PCDHGA2: variants seen among roughly 807,000 people sequenced by gnomAD.
The protein encoded by PCDHGA2 is protocadherin gamma-A2.
A neutral mutation model predicts 59.2 loss-of-function variants in PCDHGA2; 40 were observed. The ratio of observed to expected loss-of-function variants is 0.68; its 90% confidence interval spans 0.52 to 0.88. The LOEUF (loss-of-function observed/expected upper bound fraction) is 0.88. Among genes scored for constraint, PCDHGA2 ranks in the 40% least tolerant of loss-of-function variants. PCDHGA2 has a pLI of 0.00. For missense variants in PCDHGA2, 1,226 were observed against 1,204.0 expected (o/e 1.02, Z -0.27); for synonymous variants, 560 against 526.0 (o/e 1.06, Z -0.89).
intron 1 of PCDHGA2, chr5:141,389,923 C>T: frequency 6.2e-7 from 1 of 1,614,076 alleles, no homozygotes; most frequent in Non-Finnish European, 8.5e-7. Context: ...CCCGACCCCT[C>T]TGACCTCCAG....
intron 1 of PCDHGA2, chr5:141,417,389 A>C (rs578088616): frequency 2.5e-4 from 39 of 154,566 alleles, no homozygotes; most frequent in Admixed American, 4.5e-4. Flanking sequence ...ATTTTGAAGA[A>C]AAAATATTCA....
chr5:141,430,399 T>G (rs2097282187), intron 1 of PCDHGA2, among the ~76,000 whole-genome samples: 1 of 150,106 alleles, frequency 6.7e-6, no homozygotes, highest in Admixed American at 6.6e-5. Flanking sequence ...AAAAAAAAGC[T>G]CACTAAAGTT....
chr5:141,389,553 G>T, intron 1 of PCDHGA2: 1 of 1,613,234 alleles, frequency 6.2e-7, no homozygotes. Context: ...CAACGACAAT[G>T]CGCCACGGGT....
At chr5:141,360,020 G>A in intron 1 of PCDHGA2, 1 of 1,294,416 alleles carries the variant, frequency 7.7e-7, no homozygotes, top group South Asian at 1.6e-5. Context: ...CACAGAGAAG[G>A]CCAGTATAGA....
chr5:141,478,337 T>C (rs766980546), intron 1 of PCDHGA2: 1 of 1,613,942 alleles, frequency 6.2e-7, no homozygotes, highest in Non-Finnish European at 8.5e-7. Context: ...ACCAGGGCCC[T>C]CCTTGCACGC....
At chr5:141,359,980 T>C in intron 1 of PCDHGA2, 1 of 851,316 alleles carries the variant, frequency 1.2e-6, no homozygotes, top group Non-Finnish European at 1.7e-6. Flanking sequence ...GGGAGCCTCT[T>C]AGAGGGGAAC....
chr5:141,432,250 A>C lies in PCDHGA2; in HGVS notation c.2425-62557A>C, dbSNP rs777728825. ...ATTCCCTGGCTGAGAACACCATCCA[A>C]GGGGCAAGCCTATCGTCCTACGTGT... On this transcript the variant is annotated intron_variant, in intron 1 of 3. Coordinates refer to ENST00000394576, the MANE Select transcript of PCDHGA2 (RefSeq NM_018915.4). This position sits in a 1 kb window ranked among gnomAD's most constrained non-coding sequence, Gnocchi z 6.0. 2 of 1,614,116 alleles carry C rather than the reference A, an allele frequency of 1.2e-6. No homozygotes were observed. The highest frequency in any genetic ancestry group is 1.7e-6 in the Non-Finnish European group (2 of 1,180,062).
chr5:141,443,207 C>T (rs907169095), intron 1 of PCDHGA2, among the ~76,000 whole-genome samples: 5 of 152,064 alleles, frequency 3.3e-5, no homozygotes, highest in African/African-American at 1.2e-4. Context: ...AAGAGCTTGT[C>T]TCGCCAGGCG....
At chr5:141,427,570 C>T (rs1487817661) in intron 1 of PCDHGA2, 1 of 662,270 alleles carries the variant, frequency 1.5e-6, no homozygotes, top group Admixed American at 2.1e-5. Context: ...GGCAAGCCTC[C>T]GCTCTCATCC....
chr5:141,362,454 A>G (rs1762511081), intron 1 of PCDHGA2: 1 of 1,614,056 alleles, frequency 6.2e-7, no homozygotes, highest in Non-Finnish European at 8.5e-7. Flanking sequence ...TAACCCCGGA[A>G]TTGGTTCCCG....
intron 1 of PCDHGA2, chr5:141,357,782 G>A: frequency 1.2e-6 from 1 of 860,438 alleles, no homozygotes; most frequent in Non-Finnish European, 1.7e-6. Context: ...ATGATCAACA[G>A]TATTTACCAC....
At position 141,403,108 on chromosome 5, in the gene PCDHGA2, G is replaced by A. The variant is rs189164879; in HGVS notation, c.2424+61713G>A. The A allele has an allele frequency of 2.7e-5, 43 of 1,614,086 alleles. No homozygotes were observed. In the African/African-American group the frequency reaches 5.1e-4, roughly 19 times the overall value. ...TTGTGGGCAACATCTCCAAGGACCT[G>A]GCTCTGGAGCCCCGGGAGCTGGCGG... On this transcript the variant is annotated intron_variant, in intron 1 of 3. Coordinates refer to ENST00000394576, the MANE Select transcript of PCDHGA2 (RefSeq NM_018915.4).
chr5:141,419,945 T>TTGGCCTTGATTTCTG (rs1205104698), intron 1 of PCDHGA2: 6 of 1,613,970 alleles, frequency 3.7e-6, no homozygotes, highest in Non-Finnish European at 4.2e-6. Flanking sequence ...GGTGGTGGCC[T>TTGGCCTTGATTTCTG]TGGCCTTGAT....
At chr5:141,393,842 T>C (rs1010461527) in intron 1 of PCDHGA2, 5 of 1,613,948 alleles carry the variant, frequency 3.1e-6, no homozygotes, top group Non-Finnish European at 4.2e-6. Context: ...TAAATGACAA[T>C]AGACCAGAAG....
chr5:141,400,591 C>T lies in PCDHGA2; in HGVS notation c.2424+59196C>T, dbSNP rs746471054. ...ATTTTCTGTATTTACATGAAACTATCGTACATTTTCAAGTCCAATGAGTTG... is the reference window on the plus strand; with the variant it reads ...ATTTTCTGTATTTACATGAAACTATTGTACATTTTCAAGTCCAATGAGTTG... On this transcript the variant is annotated intron_variant, in intron 1 of 3. Transcript: ENST00000394576. 2.5e-6 allele frequency: 4 copies of T among 1,602,858 alleles called. No homozygotes were observed. In the African/African-American group the frequency reaches 5.4e-5, roughly 21 times the overall value.
intron 1 of PCDHGA2, chr5:141,403,467 T>G: frequency 6.2e-7 from 1 of 1,614,020 alleles, no homozygotes; most frequent in Non-Finnish European, 8.5e-7. Context: ...AGCTACCAGC[T>G]CAGCCCCAAT....
In PCDHGA2 at chr5:141,489,684, T is replaced by C. The variant is rs2099690710; in HGVS notation, c.2425-5123T>C. 1.2e-6 allele frequency: 2 copies of C among 1,614,062 alleles called. No individual in the cohort carries two copies. The highest frequency in any genetic ancestry group is 8.5e-7 in the Non-Finnish European group (1 of 1,180,034). On this transcript the variant is annotated intron_variant, in intron 1 of 3. Coordinates refer to ENST00000394576, the MANE Select transcript of PCDHGA2 (RefSeq NM_018915.4). This position sits in a 1 kb window ranked among gnomAD's most constrained non-coding sequence, Gnocchi z 4.5. ...TGCGCATCTCAGAATCAGCAGCATCTGGGGCACGATTCCCACTGGACAGTG... is the reference window on the plus strand; with the variant it reads ...TGCGCATCTCAGAATCAGCAGCATCCGGGGCACGATTCCCACTGGACAGTG...
At position 141,363,034 on chromosome 5, in the gene PCDHGA2, A is replaced by T. The variant is rs1762782534; in HGVS notation, c.2424+21639A>T. On this transcript the variant is annotated intron_variant, in intron 1 of 3. Coordinates refer to ENST00000394576, the MANE Select transcript of PCDHGA2 (RefSeq NM_018915.4). ...GCATGGGTAGGACATTGTCCCATTG[A>T]CTTGAAGACCAACACTCAGTAAGCT... Among the ~76,000 whole-genome samples, 3 of 152,256 alleles carry T rather than the reference A, an allele frequency of 2.0e-5. No individual in the cohort carries two copies. In the South Asian group the frequency reaches 6.2e-4, roughly 31 times the overall value.
rs761831761 is a variant in PCDHGA2 at position 141,485,471 on chromosome 5, G to A, written c.2425-9336G>A. The A allele has an allele frequency of 4.3e-6, 7 of 1,614,144 alleles. No homozygotes were observed. The Admixed American group carries it at 5.0e-5, about 12-fold the overall frequency. On this transcript the variant is annotated intron_variant, in intron 1 of 3. Transcript: ENST00000394576. This position sits in a 1 kb window ranked among gnomAD's most constrained non-coding sequence, Gnocchi z 5.7. ...CCGAGAGGCACTGTGTGGGCTCAGT[G>A]CCAGCTGCATCGTGCCCCTGGAGTT...
Sources: allele counts gnomAD v4.1 joint callset (sites outside exome capture counted in the v4.1 genomes callset), GRCh38; gene constraint gnomAD v4.1.1; non-coding constraint Gnocchi (gnomAD v3.1); transcripts MANE v1.5; gene names NCBI Gene and HGNC (gene_info 2026-07-23, HGNC 2026-07-21).